The following PLA2G2C variants were observed in gnomAD, a reference collection of about 807,000 sequenced individuals.
PLA2G2C encodes phospholipase A2 group IIC, also known as putative inactive group IIC secretory phospholipase A2.
A neutral mutation model predicts 14.3 loss-of-function variants in PLA2G2C; 15 were observed. The ratio of observed to expected loss-of-function variants is 1.05; its 90% CI spans 0.70 to 1.62. The LOEUF is 1.62. Among genes scored for constraint, PLA2G2C ranks in the 40% most tolerant of loss-of-function variants. The probability of loss-of-function intolerance (pLI) is 0.00; values close to 1 mark genes in which losing one functional copy is unlikely to be tolerated. For missense variants in PLA2G2C, 162 were observed against 173.2 expected (o/e 0.94, Z 0.36); for synonymous variants, 79 against 67.7 (o/e 1.17, Z -0.82).
At chr1:20,168,194 G>T (rs180958437) in intron 4 of PLA2G2C, among the ~76,000 whole-genome samples, 460 of 152,344 alleles carry the variant, frequency 3.0e-3, no homozygotes, top group Non-Finnish European at 5.0e-3. Context: ...CAGGCAAGTT[G>T]CTTCCCTCTC....
At chr1:20,175,747 G>A (rs1322171591) in intron 2 of PLA2G2C, among the ~76,000 whole-genome samples, 1 of 152,076 alleles carries the variant, frequency 6.6e-6, no homozygotes, top group African/African-American at 2.4e-5. Flanking sequence ...CCACCGACAG[G>A]GGGATAATAA....
chr1:20,183,138 T>C (rs1557790828), intron 1 of PLA2G2C, among the ~76,000 whole-genome samples: 1 of 152,208 alleles, frequency 6.6e-6, no homozygotes. Flanking sequence ...CAACAAGAGT[T>C]AGTAGCCCTC....
At chr1:20,185,432 A>G (rs1264517088) in intron 1 of PLA2G2C, among the ~76,000 whole-genome samples, 2 of 152,230 alleles carry the variant, frequency 1.3e-5, no homozygotes, top group African/African-American at 4.8e-5. Context: ...GAAAGCGGAG[A>G]CAGCAATGGA....
chr1:20,183,702 G>A (rs1332738954), intron 1 of PLA2G2C, among the ~76,000 whole-genome samples: 1 of 152,186 alleles, frequency 6.6e-6, no homozygotes, highest in Non-Finnish European at 1.5e-5. Flanking sequence ...CTTTTAAGAT[G>A]GGCCTTGAAG....
At chr1:20,178,768 C>T (rs1359390001) in intron 1 of PLA2G2C, among the ~76,000 whole-genome samples, 2 of 152,238 alleles carry the variant, frequency 1.3e-5, no homozygotes, top group African/African-American at 4.8e-5. Flanking sequence ...TCTTATTAAG[C>T]ACCAACTATG....
At chr1:20,171,050 T>C (rs2018065093) in intron 4 of PLA2G2C, among the ~76,000 whole-genome samples, 1 of 141,464 alleles carries the variant, frequency 7.1e-6, no homozygotes, top group South Asian at 2.6e-4. Flanking sequence ...AGGCCAGCCC[T>C]GGCGAGTGCA....
intron 1 of PLA2G2C, among the ~76,000 whole-genome samples, chr1:20,177,763 T>A (rs1197977753): frequency 6.6e-6 from 1 of 152,154 alleles, no homozygotes; most frequent in East Asian, 1.9e-4. Context: ...ACCTATGTTG[T>A]TCATAATAGA....
intron 4 of PLA2G2C, among the ~76,000 whole-genome samples, chr1:20,164,576 G>A (rs1557784138): frequency 2.0e-5 from 3 of 152,180 alleles, no homozygotes; most frequent in Non-Finnish European, 4.4e-5. Context: ...GAATGGGTGC[G>A]CCCAGGCAGC....
chr1:20,171,292 C>T (rs1171449402), intron 4 of PLA2G2C, among the ~76,000 whole-genome samples: 1 of 152,214 alleles, frequency 6.6e-6, no homozygotes, highest in African/African-American at 2.4e-5. Flanking sequence ...AGAAGGACCA[C>T]ACCAGAGAGC....
intron 1 of PLA2G2C, among the ~76,000 whole-genome samples, chr1:20,183,505 G>A (rs948123978): frequency 6.6e-6 from 1 of 152,208 alleles, no homozygotes; most frequent in Non-Finnish European, 1.5e-5. Flanking sequence ...AGGCTCCACT[G>A]TTTTCTAAAG....
chr1:20,178,613 T>G (rs2100723361), intron 1 of PLA2G2C, among the ~76,000 whole-genome samples: 1 of 152,310 alleles, frequency 6.6e-6, no homozygotes, highest in South Asian at 2.1e-4. Flanking sequence ...GCTTGCTTCC[T>G]TTTTCTCTTT....
At position 20,171,831 on chromosome 1, in the gene PLA2G2C, G is replaced by A. The variant is rs532343380; in HGVS notation, c.283+963C>T. Among the ~76,000 whole-genome samples the A allele has an allele frequency of 1.1e-3, 153 of 142,820 alleles. 1 individual carries two copies. Among genetic ancestry groups the A allele is most frequent in the Middle Eastern group, 7.6e-3 (2 of 264 alleles). The allele number at this position is 142,820 out of a possible 152,430, so 93.7% of individuals were successfully genotyped here. On this transcript the variant is annotated intron_variant, in intron 4 of 4. Coordinates refer to ENST00000679259, the MANE Select transcript of PLA2G2C (RefSeq NM_001367969.2). ...GGCGGGAGTGCAGTGGCGCAATCTC[G>A]GCTCACTGCAAGCTCCGCCTCCCGG... is the stretch of plus-strand genomic sequence containing the variant.
intron 1 of PLA2G2C, among the ~76,000 whole-genome samples, chr1:20,179,931 C>T (rs2018254470): frequency 6.8e-6 from 1 of 147,768 alleles, no homozygotes; most frequent in Admixed American, 6.8e-5. Context: ...CCTTGTATGT[C>T]ACCTTCTCCC....
At chr1:20,167,457 C>T (rs1429588937) in intron 4 of PLA2G2C, among the ~76,000 whole-genome samples, 2 of 152,284 alleles carry the variant, frequency 1.3e-5, no homozygotes, top group East Asian at 1.9e-4. Context: ...TCACACCCCA[C>T]GCTGAACCCA....
At chr1:20,185,408 T>C (rs920250298) in intron 1 of PLA2G2C, among the ~76,000 whole-genome samples, 5 of 152,024 alleles carry the variant, frequency 3.3e-5, no homozygotes, top group South Asian at 4.2e-4. Context: ...AAGAAGCAGA[T>C]TGATATCGAG....
At chr1:20,180,549 C>A (rs1363215845) in intron 1 of PLA2G2C, among the ~76,000 whole-genome samples, 1 of 152,246 alleles carries the variant, frequency 6.6e-6, no homozygotes, top group Non-Finnish European at 1.5e-5. Flanking sequence ...GACTTAAACT[C>A]TGGTCCCTTT....
chr1:20,163,411 T>TG lies in PLA2G2C; in HGVS notation c.*579dup, dbSNP rs1300098542. On this transcript the variant is annotated 3_prime_UTR_variant, in exon 5 of 5. Coordinates refer to ENST00000679259, the MANE Select transcript of PLA2G2C (RefSeq NM_001367969.2). The stretch of plus-strand genomic sequence containing the variant: ...AAGCCACAAGACCAGTTCAGATTCA[T>TG]GGGATGGGGAAAACAGATTCTGCCT... The TG allele has an allele frequency of 6.6e-6, 1 of 152,388 alleles. No homozygotes were observed. Among genetic ancestry groups the TG allele is most frequent in the Non-Finnish European group, 1.5e-5 (1 of 68,224 alleles). 9.4% of individuals were successfully genotyped at this position (152,388 alleles called of 1,614,324 possible). A position where few individuals can be genotyped will look rare whatever the true frequency, so the allele number is the denominator to read the frequency against.
intron 1 of PLA2G2C, among the ~76,000 whole-genome samples, chr1:20,180,194 G>A (rs768121951): frequency 4.6e-5 from 7 of 151,970 alleles, no homozygotes; most frequent in Non-Finnish European, 8.8e-5. Flanking sequence ...TGTATCTCCT[G>A]GAGCCTCCCA....
At chr1:20,175,287 A>C in intron 2 of PLA2G2C, 142 bp from the exon 3 acceptor site, 1 of 1,184,710 alleles carries the variant, frequency 8.4e-7, no homozygotes, top group Non-Finnish European at 1.2e-6. Flanking sequence ...GCATGGCTGG[A>C]ATCACCAGCC....
Sources: allele counts gnomAD v4.1 joint callset (sites outside exome capture counted in the v4.1 genomes callset), GRCh38; gene constraint gnomAD v4.1.1; transcripts MANE v1.5; gene names NCBI Gene and HGNC (gene_info 2026-07-23, HGNC 2026-07-21).